Variants in ZNF425 observed in about 807,000 individuals in gnomAD.
The protein encoded by ZNF425 is zinc finger protein 425.
Under a neutral mutation model 17.0 loss-of-function variants are expected in ZNF425, and 21 were observed. That is an observed-to-expected ratio of 1.23 (90% CI 0.88 to 1.78). ZNF425 has a LOEUF of 1.78. ZNF425 is among the 40% of genes most tolerant of loss of function. ZNF425 has a pLI of 0.00. For synonymous variants in ZNF425, 433 were observed against 384.1 expected (o/e 1.13, Z -1.49); for missense variants, 868 against 967.3 (o/e 0.90, Z 1.36).
Position 149,111,590 on chromosome 7 carries a change from T to TAAAAAAAAAAAAAAAA in ZNF425, c.304+531_304+546dup, listed in dbSNP as rs60783786. Among the ~76,000 whole-genome samples, 22 of 54,388 alleles carry TAAAAAAAAAAAAAAAA rather than the reference T, an allele frequency of 4.0e-4. 1 individual carries two copies. Among genetic ancestry groups the TAAAAAAAAAAAAAAAA allele is most frequent in the Admixed American group, 5.9e-4 (2 of 3,362 alleles). 35.7% of individuals were successfully genotyped at this position (54,388 alleles called of 152,430 possible). A position where few individuals can be genotyped will look rare whatever the true frequency, so the allele number is the denominator to read the frequency against. On this transcript the variant is annotated intron_variant, in intron 3 of 3. Coordinates refer to ENST00000378061, the MANE Select transcript of ZNF425 (RefSeq NM_001001661.3). ...CTGGGTGACAGAGCAAGACTCTGTC[T>TAAAAAAAAAAAAAAAA]AAAAAAAAAAAAAAAAAAAAAAAAA... is the stretch of plus-strand genomic sequence containing the variant.
chr7:149,111,586 T>G (rs1826176711), intron 3 of ZNF425, among the ~76,000 whole-genome samples: 1 of 64,608 alleles, frequency 1.5e-5, no homozygotes, highest in Non-Finnish European at 2.8e-5. Flanking sequence ...AGCAAGACTC[T>G]GTCTAAAAAA....
intron 1 of ZNF425, among the ~76,000 whole-genome samples, chr7:149,119,931 A>G (rs1826325713): frequency 1.3e-5 from 2 of 152,162 alleles, no homozygotes; most frequent in South Asian, 4.1e-4. Flanking sequence ...AAATTCTACC[A>G]TTTTATATAA....
intron 3 of ZNF425, among the ~76,000 whole-genome samples, chr7:149,109,171 G>A (rs143792952): frequency 0.033 from 4,924 of 150,496 alleles, 261 homozygotes; most frequent in African/African-American, 0.11. Context: ...TCCGCCTCCC[G>A]GGTTCACGCC....
At chr7:149,113,085 T>A (rs1826202195) in intron 2 of ZNF425, among the ~76,000 whole-genome samples, 9 of 148,166 alleles carry the variant, frequency 6.1e-5, no homozygotes. Flanking sequence ...CAACCAATTC[T>A]CCTGCCTCAG....
intron 2 of ZNF425, 105 bp downstream of exon 2, chr7:149,118,117 C>A: frequency 7.9e-7 from 1 of 1,271,446 alleles, no homozygotes. Flanking sequence ...TGAATGTAAA[C>A]TGGGCACAGT....
chr7:149,124,526 TTTG>T (rs201558229), intron 1 of ZNF425, among the ~76,000 whole-genome samples: 1 of 150,778 alleles, frequency 6.6e-6, no homozygotes, highest in Admixed American at 6.6e-5. Context: ...CCCATATTTT[TTTG>T]TTGTTGTTGT....
intron 2 of ZNF425, among the ~76,000 whole-genome samples, chr7:149,113,793 C>T (rs1826211694): frequency 6.6e-6 from 1 of 151,602 alleles, no homozygotes; most frequent in Non-Finnish European, 1.5e-5. Flanking sequence ...CCTCGTGATC[C>T]ACCCACCTTG....
intron 1 of ZNF425, among the ~76,000 whole-genome samples, chr7:149,122,907 C>T (rs1342698103): frequency 6.6e-6 from 1 of 152,088 alleles, no homozygotes; most frequent in Non-Finnish European, 1.5e-5. Context: ...GTTGGCCAGG[C>T]TGGTCTTGAA....
Position 149,103,605 on chromosome 7 carries a change from G to T in ZNF425, c.*7C>A, listed in dbSNP as rs1826012723. ...AAGCCGACTGCGTGACTGCTGCATG[G>T]CCTGACCTAGAGGCTGGAGGGCTTC... On this transcript the variant is annotated 3_prime_UTR_variant, in exon 4 of 4. Coordinates refer to ENST00000378061, the MANE Select transcript of ZNF425 (RefSeq NM_001001661.3). 1 of 1,585,120 alleles carries T rather than the reference G, an allele frequency of 6.3e-7. No homozygotes were observed. The highest frequency in any genetic ancestry group is 1.8e-5 in the Admixed American group (1 of 54,892).
Position 149,104,353 on chromosome 7 carries a change from G to A in ZNF425, c.1518C>T (p.Thr506=), listed in dbSNP as rs1417979823. 1 of 1,612,876 alleles carries A rather than the reference G, an allele frequency of 6.2e-7. No individual in the cohort carries two copies. Among genetic ancestry groups the A allele is most frequent in the South Asian group, 1.1e-5 (1 of 91,014 alleles). ...KEFPCGECKK[T]FSQQSRLTQH... is the part of the protein sequence containing the mutation. ...GCGTGAGCCGCGACTGCTGAGAAAAGGTCTTTTTGCACTCGCCGCAGGGAA... is the reference window on the plus strand; with the variant it reads ...GCGTGAGCCGCGACTGCTGAGAAAAAGTCTTTTTGCACTCGCCGCAGGGAA... Residue 506 remains threonine (T), a synonymous_variant, in exon 4 of 4, where the codon ACC becomes ACT. Coordinates refer to ENST00000378061, the MANE Select transcript of ZNF425 (RefSeq NM_001001661.3). The surrounding 1 kb of genome is among the most constrained non-coding windows in gnomAD (Gnocchi z 4.3).
chr7:149,121,079 C>CTTTTTTTTTTTT (rs75534831), intron 1 of ZNF425, among the ~76,000 whole-genome samples: 1 of 62,756 alleles, frequency 1.6e-5, no homozygotes, highest in African/African-American at 8.7e-5. Flanking sequence ...TTTTACATTC[C>CTTTTTTTTTTTT]TTTTTTTTTT....
In ZNF425 at chr7:149,103,651, G is replaced by A; in HGVS notation, c.2220C>T (p.His740=). The A allele has an allele frequency of 4.3e-6, 7 of 1,612,982 alleles. No individual in the cohort carries two copies. The highest frequency in any genetic ancestry group is 1.7e-5 in the Admixed American group (1 of 59,760). The change falls in exon 4 of 4, where the codon CAC becomes CAT. Residue 740 remains histidine (H), a synonymous_variant. Transcript: ENST00000378061. The part of the protein sequence containing the change: ...SFTYVGALKT[H]IAVHAKEKPS... ...GCTTCTCTTTGGCATGCACTGCAAT[G>A]TGGGTCTTGAGCGCCCCCACGTACG...
chr7:149,110,095 C>T (rs938833142), intron 3 of ZNF425, among the ~76,000 whole-genome samples: 9 of 150,764 alleles, frequency 6.0e-5, no homozygotes, highest in African/African-American at 1.7e-4. Context: ...AGGCTGGTCT[C>T]GAACTCCTGA....
intron 2 of ZNF425, among the ~76,000 whole-genome samples, chr7:149,115,356 TA>T (rs968612939): frequency 6.6e-6 from 1 of 151,830 alleles, no homozygotes; most frequent in Non-Finnish European, 1.5e-5. Flanking sequence ...GGCATAAGCC[TA>T]AAAGAAGGGT....
At chr7:149,119,176 A>G (rs1341653632) in intron 1 of ZNF425, among the ~76,000 whole-genome samples, 6 of 149,880 alleles carry the variant, frequency 4.0e-5, no homozygotes, top group African/African-American at 1.5e-4. Context: ...CAGTGGCTCA[A>G]TCTCGGCTCA....
At chr7:149,114,547 G>A (rs1292130284) in intron 2 of ZNF425, among the ~76,000 whole-genome samples, 6 of 151,532 alleles carry the variant, frequency 4.0e-5, no homozygotes, top group Admixed American at 2.0e-4. Context: ...GCAGGTGTGC[G>A]CCACCATGCC....
At chr7:149,106,454 G>T (rs1169393040) in intron 3 of ZNF425, among the ~76,000 whole-genome samples, 1 of 148,242 alleles carries the variant, frequency 6.7e-6, no homozygotes, top group Non-Finnish European at 1.5e-5. Context: ...GGCCAGTCTT[G>T]TCTCAAACTG....
rs757252143 is a variant in ZNF425 at position 149,104,476 on chromosome 7, G to A, written c.1395C>T (p.Ser465=). 4 of 1,597,650 alleles carry A rather than the reference G, an allele frequency of 2.5e-6. No individual in the cohort carries two copies. The highest frequency in any genetic ancestry group is 2.3e-5 in the South Asian group (2 of 88,428). The change falls in exon 4 of 4, where the codon AGC becomes AGT. Residue 465 remains serine (S), a synonymous_variant. Coordinates refer to ENST00000378061, the MANE Select transcript of ZNF425 (RefSeq NM_001001661.3). This position sits in a 1 kb window ranked among gnomAD's most constrained non-coding sequence, Gnocchi z 4.3. ...CGGCGCAGGGGAAGGGCTTTTGCTCGCTGTGCAGGCGCTGGTGGGCGCGCA... is the reference window on the plus strand; with the variant it reads ...CGGCGCAGGGGAAGGGCTTTTGCTCACTGTGCAGGCGCTGGTGGGCGCGCA... ...NAMRAHQRLH[S]EQKPFPCAEC...
In ZNF425 at chr7:149,107,347, TTTTTTTC is replaced by T. The variant is rs1355192262; in HGVS notation, c.305-1788_305-1782del. Among the ~76,000 whole-genome samples, 244 of 135,090 alleles carry T rather than the reference TTTTTTTC, an allele frequency of 1.8e-3. 2 individuals carry two copies. Among genetic ancestry groups the T allele is most frequent in the Middle Eastern group, 3.6e-3 (1 of 278 alleles). 88.6% of individuals were successfully genotyped at this position (135,090 alleles called of 152,430 possible). ...TTTATTTATTTATTTATTTATTTAT[TTTTTTTC>T]TGAGACAGAGTCTAGCTCTGTCGCC... On this transcript the variant is annotated intron_variant, in intron 3 of 3. Coordinates refer to ENST00000378061, the MANE Select transcript of ZNF425 (RefSeq NM_001001661.3).
Sources: gnomAD v4.1 joint callset for allele counts (sites outside exome capture counted in the v4.1 genomes callset) on GRCh38, gnomAD v4.1.1 for gene constraint, Gnocchi (gnomAD v3.1) non-coding constraint, MANE v1.5 for transcripts, NCBI Gene and HGNC (gene_info 2026-07-23, HGNC 2026-07-21) for gene names.